Variants in RECK observed in about 807,000 individuals in gnomAD.
RECK encodes the protein reversion inducing cysteine rich protein with kazal motifs.
Under a neutral mutation model 115.1 loss-of-function variants are expected in RECK, and 69 were observed. That is an observed-to-expected ratio of 0.60 (90% CI 0.49 to 0.73). RECK has a LOEUF of 0.73. Among genes scored for constraint, RECK ranks in the 30% least tolerant of loss-of-function variants. The pLI, the probability that RECK is intolerant of heterozygous loss-of-function variation, is 0.00. For synonymous variants in RECK, 414 were observed against 419.7 expected (o/e 0.99, Z 0.17); for missense variants, 1,047 against 1,203.7 (o/e 0.87, Z 1.93).
chr9:36,100,433 T>C lies in RECK; in HGVS notation c.1188T>C (p.Asn396=). Residue 396 remains asparagine, a synonymous_variant, in exon 11 of 21, where the codon AAT becomes AAC. Coordinates refer to ENST00000377966, the MANE Select transcript of RECK (RefSeq NM_021111.3). ...GAAGCATAAAGATGCCATTTATCAA[T>C]ATACCTGTTCTTGATATTAAAAAGT... ...EKGSIKMPFI[N]IPVLDIKKCQ... is the part of the protein sequence containing the mutation. 6.2e-7 allele frequency: 1 copy of C among 1,613,292 alleles called. No homozygotes were observed. The highest frequency in any genetic ancestry group is 8.5e-7 in the Non-Finnish European group (1 of 1,179,216).
intron 1 of RECK, among the ~76,000 whole-genome samples, chr9:36,047,763 C>T (rs75282337): frequency 0.012 from 1,793 of 146,172 alleles, 44 homozygotes; most frequent in African/African-American, 0.044. Flanking sequence ...ATGTTTAGAA[C>T]TTCAAGACAT....
chr9:36,076,652 G>A (rs967315814), intron 6 of RECK, among the ~76,000 whole-genome samples: 2 of 152,104 alleles, frequency 1.3e-5, no homozygotes, highest in African/African-American at 2.4e-5. Context: ...ATTTAATCGC[G>A]AGAGTAGGGC....
chr9:36,059,081 TTTC>T (rs1409941197), intron 3 of RECK, among the ~76,000 whole-genome samples, 180 bp downstream of exon 3: 4 of 152,198 alleles, frequency 2.6e-5, no homozygotes, highest in Non-Finnish European at 5.9e-5. Flanking sequence ...GAATATTGTT[TTTC>T]TTCTTTTATT....
intron 6 of RECK, among the ~76,000 whole-genome samples, chr9:36,067,190 T>C (rs1436185667): frequency 6.6e-6 from 1 of 152,168 alleles, no homozygotes; most frequent in Non-Finnish European, 1.5e-5. Flanking sequence ...CTATTTGTTA[T>C]AAAGTGAATT....
chr9:36,092,297 ACTCC>A (rs1823186731), intron 10 of RECK, among the ~76,000 whole-genome samples: 1 of 152,104 alleles, frequency 6.6e-6, no homozygotes, highest in Non-Finnish European at 1.5e-5. Context: ...CCAATTATGA[ACTCC>A]GCACAAAATA....
chr9:36,071,255 A>T (rs1201757090), intron 6 of RECK, among the ~76,000 whole-genome samples: 1 of 152,212 alleles, frequency 6.6e-6, no homozygotes, highest in Non-Finnish European at 1.5e-5. Flanking sequence ...ATTATGATTT[A>T]AAAAATTTTT....
intron 15 of RECK, among the ~76,000 whole-genome samples, chr9:36,110,353 T>TA: frequency 6.6e-6 from 1 of 152,306 alleles, no homozygotes. Context: ...TGGGTTTAAT[T>TA]AAATTGAACT....
At position 36,121,590 on chromosome 9, in the gene RECK, G is replaced by A. The variant is rs769655833; in HGVS notation, c.2596G>A (p.Val866Met). 1.2e-5 allele frequency: 20 copies of A among 1,613,942 alleles called. No homozygotes were observed. The highest frequency in any genetic ancestry group is 3.3e-5 in the Admixed American group (2 of 59,990). Residue 866 changes from valine (V) to methionine (M), a missense_variant, in exon 20 of 21, where the codon GTG becomes ATG. Val to Met is a conservative substitution (Grantham distance 21). Transcript: ENST00000377966. ...LEILQKIRMH[V>M]SVPQCDVFGY... ...AATACTTCAGAAAATCCGCATGCAC[G>A]TGTCTGTCCCACAGTGTGATGTGTT...
At position 36,121,704 on chromosome 9, in the gene RECK, G is replaced by C. The variant is rs1195143278; in HGVS notation, c.2694+16G>C. On this transcript the variant is annotated intron_variant, in intron 20 of 20. Transcript: ENST00000377966. ...AGCTCTGCAGGTGAGTTCAGCACAT[G>C]TTGTGAAGCCATCTTGTCACTTTCA... 6.2e-7 allele frequency: 1 copy of C among 1,610,914 alleles called. No individual in the cohort carries two copies.
chr9:36,048,725 A>G (rs961140050), intron 1 of RECK, among the ~76,000 whole-genome samples: 2 of 152,136 alleles, frequency 1.3e-5, no homozygotes, highest in African/African-American at 4.8e-5. Context: ...TTGTATCCCT[A>G]TTCCTAAACA....
At chr9:36,099,076 A>G (rs1241916839) in intron 10 of RECK, among the ~76,000 whole-genome samples, 1 of 152,130 alleles carries the variant, frequency 6.6e-6, no homozygotes, top group East Asian at 1.9e-4. Context: ...AAATACAAAA[A>G]TTAACCAGGT....
chr9:36,120,449 G>A (rs1824418266), intron 18 of RECK, among the ~76,000 whole-genome samples: 1 of 152,120 alleles, frequency 6.6e-6, no homozygotes, highest in African/African-American at 2.4e-5. Context: ...CCAAGGAGTG[G>A]TGAAGGATGA....
At chr9:36,120,816 C>A (rs1200592187) in intron 19 of RECK, 80 bp downstream of exon 19, 3 of 974,228 alleles carry the variant, frequency 3.1e-6, no homozygotes, top group Non-Finnish European at 4.8e-6. Flanking sequence ...AATGTGTTGT[C>A]CTCATTCATA....
At chr9:36,122,182 C>T (rs1442432375) in intron 20 of RECK, among the ~76,000 whole-genome samples, 2 of 152,146 alleles carry the variant, frequency 1.3e-5, no homozygotes, top group African/African-American at 4.8e-5. Context: ...ACATGTAGAA[C>T]CCCACTCACG....
intron 1 of RECK, among the ~76,000 whole-genome samples, chr9:36,047,564 C>G (rs1322464252): frequency 6.6e-6 from 1 of 152,060 alleles, no homozygotes; most frequent in Non-Finnish European, 1.5e-5. Flanking sequence ...AAGACTGCAC[C>G]ACTCCACTCC....
At position 36,122,935 on chromosome 9, in the gene RECK, G is replaced by A. The variant is rs779955273; in HGVS notation, c.2806G>A (p.Val936Ile). Residue 936 changes from valine to isoleucine, a missense_variant, in exon 21 of 21, where the codon GTC (valine) becomes ATC (isoleucine). Coordinates refer to ENST00000377966, the MANE Select transcript of RECK (RefSeq NM_021111.3). ...TGCCCTCATCATTTCCCAGGTACAGGTCTCCAGCAGTGTGCCATCGGCCGG... is the reference window on the plus strand; with the variant it reads ...TGCCCTCATCATTTCCCAGGTACAGATCTCCAGCAGTGTGCCATCGGCCGG... Reference protein sequence around the residue: ...LSALIISQVQVSSSVPSAGVR... With the variant: ...LSALIISQVQISSSVPSAGVR... 6.8e-6 allele frequency: 11 copies of A among 1,614,142 alleles called. No individual in the cohort carries two copies. The highest frequency in any genetic ancestry group is 9.3e-6 in the Non-Finnish European group (11 of 1,180,022).
intron 9 of RECK, among the ~76,000 whole-genome samples, 182 bp downstream of exon 9, chr9:36,088,143 T>C (rs929981254): frequency 2.6e-5 from 4 of 152,222 alleles, no homozygotes; most frequent in African/African-American, 9.6e-5. Context: ...AAAACATTGT[T>C]CTGTATATTG....
chr9:36,064,629 C>T (rs1437366695), intron 5 of RECK, among the ~76,000 whole-genome samples: 2 of 152,198 alleles, frequency 1.3e-5, no homozygotes, highest in African/African-American at 4.8e-5. Context: ...AGACGACTAT[C>T]CTATAGCCTG....
intron 18 of RECK, among the ~76,000 whole-genome samples, chr9:36,120,407 C>T (rs1017790931): frequency 6.6e-6 from 1 of 152,138 alleles, no homozygotes; most frequent in African/African-American, 2.4e-5. Flanking sequence ...AGCCAGCTGT[C>T]TCTATGCTAT....
Sources: gnomAD v4.1 joint callset for allele counts (sites outside exome capture counted in the v4.1 genomes callset) on GRCh38, gnomAD v4.1.1 for gene constraint, MANE v1.5 for transcripts, NCBI Gene and HGNC (gene_info 2026-07-23, HGNC 2026-07-21) for gene names.